NSMCE1: variants seen among roughly 807,000 people sequenced by gnomAD.
NSMCE1 encodes the protein non-structural maintenance of chromosomes element 1 homolog.
Under a neutral mutation model 29.6 loss-of-function variants are expected in NSMCE1, and 18 were observed. The observed-to-expected ratio is 0.61, with a 90% confidence interval of 0.42 to 0.90. The LOEUF (loss-of-function observed/expected upper bound fraction) is 0.90. NSMCE1 is among the 40% of genes least tolerant of loss of function. The pLI is 0.00. For synonymous variants in NSMCE1, 124 were observed against 133.4 expected (o/e 0.93, Z 0.49); for missense variants, 314 against 343.6 (o/e 0.91, Z 0.68).
chr16:27,227,667 CAGG>C (rs987132780), intron 5 of NSMCE1, among the ~76,000 whole-genome samples: 13 of 152,246 alleles, frequency 8.5e-5, no homozygotes, highest in African/African-American at 3.1e-4. Flanking sequence ...TGAACCACAC[CAGG>C]AGATGACGTC....
chr16:27,225,668 C>T (rs557485183), intron 7 of NSMCE1, 58 bp downstream of exon 7: 1,187 of 1,605,232 alleles, frequency 7.4e-4, no homozygotes, highest in Middle Eastern at 1.7e-3. Context: ...TTCCCTGGCA[C>T]CAGGCCCCAC....
intron 6 of NSMCE1, chr16:27,226,081 A>G (rs34561002): frequency 0.34 from 142,644 of 424,912 alleles, 25,323 homozygotes; most frequent in East Asian, 0.48. Flanking sequence ...CAGTGACAGA[A>G]GCCGAGGGCT....
chr16:27,264,272 C>A (rs2084195172), intron 1 of NSMCE1, among the ~76,000 whole-genome samples: 1 of 152,128 alleles, frequency 6.6e-6, no homozygotes, highest in Non-Finnish European at 1.5e-5. Context: ...ACTCATGATA[C>A]TGAGGTGGGA....
chr16:27,245,377 A>G (rs1323378033), intron 2 of NSMCE1, among the ~76,000 whole-genome samples: 1 of 152,264 alleles, frequency 6.6e-6, no homozygotes. Context: ...GCATCAGCAC[A>G]TAACCTCTCT....
intron 2 of NSMCE1, among the ~76,000 whole-genome samples, chr16:27,247,258 AGT>A (rs2083967718): frequency 2.6e-5 from 4 of 152,140 alleles, no homozygotes; most frequent in African/African-American, 9.7e-5. Flanking sequence ...TGTGACAGTG[AGT>A]GAGTTCTCAA....
chr16:27,234,392 G>A (rs985939056), intron 3 of NSMCE1, 127 bp from the exon 4 acceptor site: 9 of 709,594 alleles, frequency 1.3e-5, no homozygotes, highest in African/African-American at 7.0e-5. Flanking sequence ...CAGGCACTGC[G>A]GGCCGCAGGG....
intron 1 of NSMCE1, among the ~76,000 whole-genome samples, chr16:27,265,765 C>T (rs1230802662): frequency 2.0e-5 from 3 of 152,170 alleles, no homozygotes; most frequent in African/African-American, 7.2e-5. Context: ...ATGTTAAGTG[C>T]AACAAGCAAG....
At chr16:27,235,379 C>T in intron 2 of NSMCE1, 80 bp from the exon 3 acceptor site, 1 of 1,522,574 alleles carries the variant, frequency 6.6e-7, no homozygotes, top group Non-Finnish European at 9.0e-7. Context: ...ATCATTCCAT[C>T]CCATCTCAAC....
At chr16:27,262,792 C>T (rs1281866703) in intron 1 of NSMCE1, among the ~76,000 whole-genome samples, 1 of 152,112 alleles carries the variant, frequency 6.6e-6, no homozygotes, top group Non-Finnish European at 1.5e-5. Flanking sequence ...AAACTATCAA[C>T]AGAGTAAACA....
In NSMCE1 at chr16:27,251,541, C is replaced by T. The variant is rs117649305; in HGVS notation, c.136+5894G>A. On this transcript the variant is annotated intron_variant, in intron 2 of 7. Transcript: ENST00000361439. ...GCCACAGTTGGGTTTAGCACGTTAA[C>T]GTCTACGCTCATGAGGAGTCTTGTT... Among the ~76,000 whole-genome samples, 1,140 of 152,270 alleles carry T rather than the reference C, an allele frequency of 7.5e-3. 10 individuals are homozygous for T. Among genetic ancestry groups the T allele is most frequent in the Middle Eastern group, 0.031 (9 of 294 alleles).
intron 2 of NSMCE1, among the ~76,000 whole-genome samples, chr16:27,244,752 C>G (rs758421900): frequency 3.9e-5 from 6 of 152,252 alleles, no homozygotes; most frequent in Non-Finnish European, 7.3e-5. Flanking sequence ...GCACCCCAAA[C>G]TACCACACTG....
At chr16:27,248,158 C>T (rs1438967828) in intron 2 of NSMCE1, among the ~76,000 whole-genome samples, 2 of 152,134 alleles carry the variant, frequency 1.3e-5, no homozygotes, top group African/African-American at 4.8e-5. Context: ...GATACTCTAT[C>T]TCTGCACAAG....
At chr16:27,262,177 G>C (rs2141011761) in intron 1 of NSMCE1, among the ~76,000 whole-genome samples, 1 of 151,926 alleles carries the variant, frequency 6.6e-6, no homozygotes, top group Non-Finnish European at 1.5e-5. Context: ...CTGGGAGGCG[G>C]GGGTTGCAGT....
chr16:27,267,588 A>G (rs541208312), intron 1 of NSMCE1, among the ~76,000 whole-genome samples: 1 of 152,252 alleles, frequency 6.6e-6, no homozygotes, highest in Admixed American at 6.5e-5. Flanking sequence ...CTCAAATCTA[A>G]AAAGGTATGA....
chr16:27,251,167 T>TATATATATATATATATATATAA (rs2084025722), intron 2 of NSMCE1, among the ~76,000 whole-genome samples: 1 of 63,798 alleles, frequency 1.6e-5, no homozygotes, highest in East Asian at 8.1e-4. Context: ...AAAATATATA[T>TATATATATATATATATATATAA]ATATATATAT....
chr16:27,253,390 G>A (rs956342561), intron 2 of NSMCE1, among the ~76,000 whole-genome samples: 1 of 152,192 alleles, frequency 6.6e-6, no homozygotes, highest in African/African-American at 2.4e-5. Flanking sequence ...TAGAGAACTG[G>A]AGTAGTGTTA....
intron 2 of NSMCE1, among the ~76,000 whole-genome samples, chr16:27,251,189 T>TATATATATATATATAA (rs1459861130): frequency 0.041 from 2,368 of 58,262 alleles, 87 homozygotes; most frequent in East Asian, 0.06. Context: ...TATATATATA[T>TATATATATATATATAA]AAATATATAT....
At chr16:27,244,153 G>T (rs2083925198) in intron 2 of NSMCE1, among the ~76,000 whole-genome samples, 1 of 152,238 alleles carries the variant, frequency 6.6e-6, no homozygotes, top group South Asian at 2.1e-4. Context: ...AGTGGAGGCT[G>T]CCTCTCTTGC....
intron 4 of NSMCE1, among the ~76,000 whole-genome samples, chr16:27,233,415 G>A (rs1054441950): frequency 3.9e-5 from 6 of 152,158 alleles, no homozygotes; most frequent in African/African-American, 7.2e-5. Context: ...CTTGCCTCAC[G>A]GCTGGCCTCG....
Sources: gnomAD v4.1 joint callset for allele counts (sites outside exome capture counted in the v4.1 genomes callset) on GRCh38, gnomAD v4.1.1 for gene constraint, MANE v1.5 for transcripts, NCBI Gene and HGNC (gene_info 2026-07-23, HGNC 2026-07-21) for gene names.